Variants in SOX5 observed in about 807,000 individuals in gnomAD.
SOX5 encodes SRY-box transcription factor 5, also known as transcription factor SOX-5.
In SOX5, 9 loss-of-function variants were observed where a neutral mutation model predicts 92.0. That is an observed-to-expected ratio of 0.10 (90% CI 0.06 to 0.17). SOX5 has a LOEUF of 0.17. Among genes scored for constraint, SOX5 ranks in the 10% least tolerant of loss-of-function variants. The pLI, the probability that SOX5 is intolerant of heterozygous loss-of-function variation, is 1.00. For missense variants in SOX5, 642 were observed against 944.5 expected (o/e 0.68, Z 4.20); for synonymous variants, 344 against 336.3 (o/e 1.02, Z -0.25).
At chr12:24,042,493 A>G (rs1284775530) in intron 4 of SOX5, among the ~76,000 whole-genome samples, 1 of 152,116 alleles carries the variant, frequency 6.6e-6, no homozygotes, top group East Asian at 1.9e-4. Context: ...TTTTTCAGCT[A>G]TTCTGAAGTG....
chr12:24,518,258 G>A (rs1468206831), intron 1 of SOX5, among the ~76,000 whole-genome samples: 5 of 151,856 alleles, frequency 3.3e-5, no homozygotes, highest in Non-Finnish European at 5.9e-5. Context: ...TAGTAGAAAC[G>A]GGGTTTCACC....
At chr12:24,552,767 A>G (rs1200430149) in intron 1 of SOX5, among the ~76,000 whole-genome samples, 1 of 152,230 alleles carries the variant, frequency 6.6e-6, no homozygotes, top group East Asian at 1.9e-4. Flanking sequence ...TGGGAGGCCA[A>G]GGCAGGCAGA....
chr12:24,280,988 GGA>G (rs748413216), intron 2 of SOX5, among the ~76,000 whole-genome samples: 7 of 98,566 alleles, frequency 7.1e-5, no homozygotes, highest in African/African-American at 1.1e-4. Flanking sequence ...TCAGGGGAAG[GGA>G]GAGAGAGAGA....
chr12:24,561,602 G>T (rs1954349837), intron 1 of SOX5, among the ~76,000 whole-genome samples: 1 of 152,006 alleles, frequency 6.6e-6, no homozygotes, highest in South Asian at 2.1e-4. Flanking sequence ...CACGTGAGTG[G>T]TCTTCACTTG....
chr12:24,332,254 A>C lies in SOX5; in HGVS notation c.-174+36309T>G, dbSNP rs1595673307. 2.0e-5 allele frequency among the ~76,000 whole-genome samples: 3 copies of C among 152,208 alleles called. No homozygotes were observed. In the South Asian group the frequency reaches 6.2e-4, roughly 32 times the overall value. On this transcript the variant is annotated intron_variant, in intron 2 of 4. Transcript: ENST00000446891. ...AACCACGTTACCTCAAAGGAACATG[A>C]ATTAGCCTAGGATCTAATTTCAGCA...
At chr12:23,774,993 G>T (rs1460203327) in intron 3 of SOX5, among the ~76,000 whole-genome samples, 1 of 152,026 alleles carries the variant, frequency 6.6e-6, no homozygotes, top group African/African-American at 2.4e-5. Context: ...ATGCAAAATA[G>T]AATTTGCCTT....
upstream of SOX5, among the ~76,000 whole-genome samples, chr12:23,955,621 A>G (rs1230764816): frequency 6.6e-6 from 1 of 151,868 alleles, no homozygotes; most frequent in East Asian, 1.9e-4. Context: ...TTATTTTTTT[A>G]CTCTCTACAC....
At chr12:23,608,261 G>A (rs1296964686) in intron 8 of SOX5, among the ~76,000 whole-genome samples, 2 of 151,304 alleles carry the variant, frequency 1.3e-5, no homozygotes, top group African/African-American at 4.9e-5. Context: ...GGGATTGGAT[G>A]TGATCTCTAA....
At chr12:23,866,421 G>A (rs1216765327) in intron 2 of SOX5, among the ~76,000 whole-genome samples, 6 of 152,176 alleles carry the variant, frequency 3.9e-5, no homozygotes, top group Admixed American at 2.0e-4. Flanking sequence ...CTCTGTGAGT[G>A]TTTTGCCACC....
intron 2 of SOX5, among the ~76,000 whole-genome samples, chr12:23,847,885 A>G (rs1483280323): frequency 1.3e-5 from 2 of 152,120 alleles, no homozygotes; most frequent in Middle Eastern, 3.2e-3. Flanking sequence ...GTGAAGGTAC[A>G]CTTCTGGAAT....
chr12:23,554,460 C>T lies in SOX5; in HGVS notation c.1489-8036G>A, dbSNP rs571163120. Among the ~76,000 whole-genome samples the T allele has an allele frequency of 8.5e-5, 13 of 152,174 alleles. No homozygotes were observed. In the East Asian group the frequency reaches 9.6e-4, roughly 11 times the overall value. On this transcript the variant is annotated intron_variant, in intron 11 of 14. Transcript: ENST00000451604. ...TTTCTGGAATTCCCTCTCCATATTCCGTTAGAAAAGAGACTGGGCTTTGAG... is the reference window on the plus strand; with the variant it reads ...TTTCTGGAATTCCCTCTCCATATTCTGTTAGAAAAGAGACTGGGCTTTGAG...
chr12:23,849,336 A>G (rs2096606421), intron 2 of SOX5, among the ~76,000 whole-genome samples: 1 of 152,240 alleles, frequency 6.6e-6, no homozygotes. Flanking sequence ...GATAGCAAAT[A>G]TTTATTGAAT....
chr12:23,613,240 C>T lies in SOX5; in HGVS notation c.1018-8707G>A, dbSNP rs530742273. On this transcript the variant is annotated intron_variant, in intron 8 of 14. Coordinates refer to ENST00000451604, the MANE Select transcript of SOX5 (RefSeq NM_006940.6). ...CCTAATTAAACATGTTTCATTCTCC[C>T]GTCTTGACAAACCTATTTTCAAAAT... Among the ~76,000 whole-genome samples, 20 of 152,018 alleles carry T rather than the reference C, an allele frequency of 1.3e-4. No homozygotes were observed. In the East Asian group the frequency reaches 2.1e-3, roughly 16 times the overall value.
chr12:23,934,712 T>C (rs763834359), intron 1 of SOX5, among the ~76,000 whole-genome samples: 2 of 151,196 alleles, frequency 1.3e-5, no homozygotes, highest in Non-Finnish European at 3.0e-5. Context: ...ATGATTAACA[T>C]CTGTTAAAGA....
At chr12:23,778,230 G>A (rs2095169115) in intron 3 of SOX5, among the ~76,000 whole-genome samples, 1 of 152,108 alleles carries the variant, frequency 6.6e-6, no homozygotes, top group South Asian at 2.1e-4. Flanking sequence ...TGCACATCTA[G>A]GCAAGAATAG....
intron 4 of SOX5, among the ~76,000 whole-genome samples, chr12:24,062,937 G>A (rs1940013957): frequency 6.6e-6 from 1 of 152,160 alleles, no homozygotes; most frequent in African/African-American, 2.4e-5. Context: ...GAGGATTTGT[G>A]TTTGTACAGT....
chr12:23,716,514 T>A (rs1240549266), intron 6 of SOX5, among the ~76,000 whole-genome samples: 2 of 152,236 alleles, frequency 1.3e-5, no homozygotes, highest in Non-Finnish European at 2.9e-5. Context: ...TTTAGCTATT[T>A]TCTCTCTGGC....
At chr12:24,286,383 G>A (rs1159945389) in intron 2 of SOX5, among the ~76,000 whole-genome samples, 1 of 152,148 alleles carries the variant, frequency 6.6e-6, no homozygotes, top group Admixed American at 6.5e-5. Flanking sequence ...GGTACTATTA[G>A]GAGGAGAAGA....
At chr12:24,064,420 AG>A (rs1940301987) in intron 4 of SOX5, among the ~76,000 whole-genome samples, 1 of 152,188 alleles carries the variant, frequency 6.6e-6, no homozygotes, top group African/African-American at 2.4e-5. Flanking sequence ...CCATCAGAAA[AG>A]GTATGTGCTC....
Sources: allele counts gnomAD v4.1 joint callset (sites outside exome capture counted in the v4.1 genomes callset), GRCh38; gene constraint gnomAD v4.1.1; transcripts MANE v1.5; gene names NCBI Gene and HGNC (gene_info 2026-07-23, HGNC 2026-07-21).